The following TTLL11 variants were observed in gnomAD, a reference collection of about 807,000 sequenced individuals.
TTLL11 encodes tubulin polyglutamylase TTLL11.
TTLL11 carries 42 observed loss-of-function variants against 51.7 expected under a neutral mutation model. The ratio of observed to expected loss-of-function variants is 0.81; its 90% CI spans 0.64 to 1.05. TTLL11 has a LOEUF of 1.05. Ranked by LOEUF, TTLL11 falls within the 50% of genes least tolerant of loss-of-function variation. The pLI, the probability that TTLL11 is intolerant of heterozygous loss-of-function variation, is 0.00. For missense variants in TTLL11, 799 were observed against 940.4 expected (o/e 0.85, Z 1.97); for synonymous variants, 381 against 383.5 (o/e 0.99, Z 0.08).
chr9:121,888,884 T>C (rs1474612226), intron 6 of TTLL11, among the ~76,000 whole-genome samples: 1 of 152,188 alleles, frequency 6.6e-6, no homozygotes, highest in Non-Finnish European at 1.5e-5. Context: ...TTAGTCCTGC[T>C]CTCAGCCCTG....
intron 8 of TTLL11, among the ~76,000 whole-genome samples, chr9:121,826,217 T>TATATATATAC (rs1491163835): frequency 0.068 from 3,928 of 57,932 alleles, 572 homozygotes; most frequent in South Asian, 0.11. Context: ...TATATATATA[T>TATATATATAC]GCACACATAT....
At chr9:121,901,457 C>G (rs1234286098) in intron 6 of TTLL11, among the ~76,000 whole-genome samples, 1 of 151,976 alleles carries the variant, frequency 6.6e-6, no homozygotes, top group Non-Finnish European at 1.5e-5. Flanking sequence ...TGTCATGTGT[C>G]TGGGAACACC....
At chr9:121,931,537 G>A (rs1840969266) in intron 6 of TTLL11, among the ~76,000 whole-genome samples, 1 of 134,914 alleles carries the variant, frequency 7.4e-6, no homozygotes. Context: ...CAGGTCAGAA[G>A]TTCGAGACCA....
rs193025379 is a variant in TTLL11, at chr9:121,834,004, T to C, written c.1841-11125A>G. Reference sequence around the variant, plus strand: ...GAGATGTTTCTGTCTTATCGTACAATTCTAAATGTATAAGTATACAAGTTT... The same window carrying C: ...GAGATGTTTCTGTCTTATCGTACAACTCTAAATGTATAAGTATACAAGTTT... On this transcript the variant is annotated intron_variant, in intron 8 of 8. Transcript: ENST00000321582. 3.7e-3 allele frequency among the ~76,000 whole-genome samples: 569 copies of C among 152,306 alleles called. 6 individuals carry two copies. Among genetic ancestry groups the C allele is most frequent in the Non-Finnish European group, 6.2e-3 (421 of 68,032 alleles).
rs1018260749 is a variant in TTLL11, at chr9:121,995,235, G to A, written c.694-5465C>T. ...GCACCTGGGAGCCAGAGGCTGGAAC[G>A]GGCAGAACAGACCCCAAACACCCTG... On this transcript the variant is annotated intron_variant, in intron 3 of 8. Transcript: ENST00000321582. This position sits in a 1 kb window ranked among gnomAD's most constrained non-coding sequence, Gnocchi z 4.4. 3.3e-5 allele frequency among the ~76,000 whole-genome samples: 5 copies of A among 152,072 alleles called. No individual in the cohort carries two copies. The highest frequency in any genetic ancestry group is 1.3e-4 in the Admixed American group (2 of 15,276).
intron 6 of TTLL11, among the ~76,000 whole-genome samples, chr9:121,880,275 G>T (rs1838736738): frequency 6.6e-6 from 1 of 152,148 alleles, no homozygotes; most frequent in South Asian, 2.1e-4. Flanking sequence ...GGTGAACAAG[G>T]TCCCCAGGCC....
At chr9:121,844,321 A>G (rs1334108999) in intron 8 of TTLL11, among the ~76,000 whole-genome samples, 1 of 152,184 alleles carries the variant, frequency 6.6e-6, no homozygotes, top group Non-Finnish European at 1.5e-5. Context: ...AAAAAAAACA[A>G]TTGGAGGAAA....
intron 8 of TTLL11, among the ~76,000 whole-genome samples, chr9:121,845,396 A>G (rs898528440): frequency 6.6e-6 from 1 of 152,204 alleles, no homozygotes; most frequent in African/African-American, 2.4e-5. Flanking sequence ...TTGCTTTGTA[A>G]CAAATATTTA....
intron 1 of TTLL11, among the ~76,000 whole-genome samples, chr9:122,049,017 A>T (rs547724894): frequency 2.0e-5 from 3 of 152,210 alleles, no homozygotes; most frequent in Admixed American, 2.0e-4. Context: ...CAGAAAAAAA[A>T]AAAAAGCACG....
intron 1 of TTLL11, among the ~76,000 whole-genome samples, chr9:122,085,247 G>A (rs1474713292): frequency 1.3e-5 from 2 of 152,122 alleles, no homozygotes; most frequent in South Asian, 2.1e-4. Flanking sequence ...GCAACAGAGC[G>A]AGACTCCATT....
chr9:121,834,007 T>G (rs1027584945), intron 8 of TTLL11, among the ~76,000 whole-genome samples: 1 of 152,202 alleles, frequency 6.6e-6, no homozygotes, highest in South Asian at 2.1e-4. Context: ...CGTACAATTC[T>G]AAATGTATAA....
At position 121,821,036 on chromosome 9, in the gene TTLL11, G is replaced by C. The variant is rs974899025; in HGVS notation, c.*1551C>G. Among the ~76,000 whole-genome samples the C allele has an allele frequency of 6.6e-6, 1 of 152,008 alleles. No homozygotes were observed. The highest frequency in any genetic ancestry group is 1.5e-5 in the Non-Finnish European group (1 of 67,990). ...GCAGGAAGGAGCTCCAGGCAAGGAT[G>C]AACAGAGCAGCCCCTGCTCTGAAAT... On this transcript the variant is annotated 3_prime_UTR_variant, in exon 9 of 9. Coordinates refer to ENST00000321582, the MANE Select transcript of TTLL11 (RefSeq NM_001139442.2). The surrounding 1 kb of genome is among the most constrained non-coding windows in gnomAD (Gnocchi z 5.0).
intron 7 of TTLL11, among the ~76,000 whole-genome samples, chr9:121,863,205 C>T (rs528531827): frequency 2.9e-4 from 44 of 152,280 alleles, no homozygotes; most frequent in South Asian, 1.2e-3. Context: ...TCAATGGACG[C>T]GGAGGTTTTC....
chr9:121,905,274 T>C (rs1284184641), intron 6 of TTLL11, among the ~76,000 whole-genome samples: 3 of 152,148 alleles, frequency 2.0e-5, no homozygotes, highest in Non-Finnish European at 2.9e-5. Context: ...CCCTTTCCAC[T>C]CCTCTTGGAT....
intron 5 of TTLL11, 149 bp downstream of exon 5, chr9:121,974,735 A>C (rs907658361): frequency 1.2e-5 from 8 of 660,564 alleles, no homozygotes; most frequent in African/African-American, 5.6e-5. Flanking sequence ...TATGTTGAGA[A>C]CTCAACAAAA....
chr9:121,856,188 C>T (rs1360001903), intron 8 of TTLL11, among the ~76,000 whole-genome samples: 1 of 152,232 alleles, frequency 6.6e-6, no homozygotes, highest in African/African-American at 2.4e-5. Context: ...TCTCCTGCCT[C>T]AGCTTCCCAA....
At chr9:121,919,175 A>G (rs1840438262) in intron 6 of TTLL11, among the ~76,000 whole-genome samples, 1 of 152,242 alleles carries the variant, frequency 6.6e-6, no homozygotes, top group African/African-American at 2.4e-5. Context: ...TGATGGGGAT[A>G]ATGGGGGCTC....
chr9:121,860,314 T>A (rs764737592), intron 8 of TTLL11, 23 bp downstream of exon 8: 10 of 1,539,578 alleles, frequency 6.5e-6, no homozygotes, highest in Non-Finnish European at 8.8e-6. Context: ...CCACAGGCCA[T>A]GGCAGAGGCA....
intron 6 of TTLL11, among the ~76,000 whole-genome samples, chr9:121,963,075 T>A (rs796304035): frequency 6.6e-6 from 1 of 152,222 alleles, no homozygotes; most frequent in Admixed American, 6.5e-5. Flanking sequence ...GCAGGTGGAC[T>A]TGGCCATGCC....
Sources: allele counts gnomAD v4.1 joint callset (sites outside exome capture counted in the v4.1 genomes callset), GRCh38; gene constraint gnomAD v4.1.1; non-coding constraint Gnocchi (gnomAD v3.1); transcripts MANE v1.5; gene names NCBI Gene and HGNC (gene_info 2026-07-23, HGNC 2026-07-21).